C1orf21: variants seen among roughly 807,000 people sequenced by gnomAD.
C1orf21 encodes uncharacterized protein C1orf21.
A neutral mutation model predicts 18.7 loss-of-function variants in C1orf21; 3 were observed. The ratio of observed to expected loss-of-function variants is 0.16; its 90% CI spans 0.07 to 0.42. The LOEUF is 0.42. Ranked by LOEUF, C1orf21 falls within the 10% of genes least tolerant of loss-of-function variation. The probability of loss-of-function intolerance (pLI) is 0.99; values close to 1 mark genes in which losing one functional copy is unlikely to be tolerated. For missense variants in C1orf21, 104 were observed against 143.6 expected (o/e 0.72, Z 1.41); for synonymous variants, 41 against 46.4 (o/e 0.88, Z 0.47).
intron 1 of C1orf21, among the ~76,000 whole-genome samples, chr1:184,444,173 C>T (rs1193772271): frequency 1.3e-5 from 2 of 152,084 alleles, no homozygotes; most frequent in African/African-American, 4.8e-5. Context: ...CTTCCTTTGC[C>T]TCTTATCCCC....
chr1:184,600,367 G>C (rs1659570678), intron 5 of C1orf21, among the ~76,000 whole-genome samples: 1 of 152,070 alleles, frequency 6.6e-6, no homozygotes, highest in African/African-American at 2.4e-5. Context: ...GGGTTTCACT[G>C]TGTCAGCCAG....
intron 3 of C1orf21, among the ~76,000 whole-genome samples, chr1:184,519,593 A>G (rs1571396521): frequency 6.6e-6 from 1 of 152,198 alleles, no homozygotes; most frequent in East Asian, 1.9e-4. Flanking sequence ...CACTGTTACT[A>G]GAGTACCCAG....
In C1orf21 at chr1:184,526,787, CTCA is replaced by C. The variant is rs1361500724; in HGVS notation, c.189+19106_189+19108del. On this transcript the variant is annotated intron_variant, in intron 3 of 5. Transcript: ENST00000235307. Reference sequence around the variant, plus strand: ...GGGAGAACCGAGGGAAAGAAAAGGTCTCAACCCCCTTCATTCATTCATTCATTC... The same window carrying C: ...GGGAGAACCGAGGGAAAGAAAAGGTCACCCCCTTCATTCATTCATTCATTC... Among the ~76,000 whole-genome samples the C allele has an allele frequency of 2.0e-5, 3 of 152,140 alleles. No individual in the cohort carries two copies. In the East Asian group the frequency reaches 5.8e-4, roughly 29 times the overall value.
chr1:184,471,348 G>C (rs1162014882), intron 1 of C1orf21, among the ~76,000 whole-genome samples: 1 of 152,142 alleles, frequency 6.6e-6, no homozygotes, highest in African/African-American at 2.4e-5. Context: ...AGACCTTATA[G>C]GGCCTCCTGA....
chr1:184,600,480 G>A (rs971907193), intron 5 of C1orf21, among the ~76,000 whole-genome samples: 2 of 152,066 alleles, frequency 1.3e-5, no homozygotes, highest in African/African-American at 4.8e-5. Context: ...GTGTGTTTTG[G>A]TAATTGAAAT....
At chr1:184,426,108 G>A (rs1281095661) in intron 1 of C1orf21, among the ~76,000 whole-genome samples, 3 of 152,230 alleles carry the variant, frequency 2.0e-5, no homozygotes, top group Non-Finnish European at 4.4e-5. Context: ...CGGAGCCCTG[G>A]AGAAATGTGG....
intron 3 of C1orf21, among the ~76,000 whole-genome samples, chr1:184,555,216 T>G (rs1481362033): frequency 6.6e-6 from 1 of 152,228 alleles, no homozygotes; most frequent in Non-Finnish European, 1.5e-5. Context: ...ATAAATCAGT[T>G]TTCTGCCTCT....
chr1:184,401,724 C>T (rs1179504542), intron 1 of C1orf21, among the ~76,000 whole-genome samples: 1 of 148,404 alleles, frequency 6.7e-6, no homozygotes, highest in Non-Finnish European at 1.5e-5. Context: ...GGTTATAGAG[C>T]AAGACATATG....
intron 4 of C1orf21, chr1:184,592,105 A>G (rs1185890802): frequency 1.3e-5 from 2 of 152,222 alleles, no homozygotes; most frequent in African/African-American, 4.8e-5. Flanking sequence ...TTTCTGACCA[A>G]ATGGAGGACA....
chr1:184,601,242 A>C (rs1466484869), intron 5 of C1orf21, among the ~76,000 whole-genome samples: 1 of 152,200 alleles, frequency 6.6e-6, no homozygotes, highest in Non-Finnish European at 1.5e-5. Context: ...ATTAATAAGA[A>C]GCAAAACTGA....
chr1:184,426,332 C>T (rs1042525385), intron 1 of C1orf21, among the ~76,000 whole-genome samples: 8 of 152,216 alleles, frequency 5.3e-5, no homozygotes, highest in Middle Eastern at 3.4e-3. Flanking sequence ...CTACCTTCTC[C>T]CTCTAATTTA....
chr1:184,428,388 G>A (rs776189515), intron 1 of C1orf21, among the ~76,000 whole-genome samples: 1 of 152,176 alleles, frequency 6.6e-6, no homozygotes, highest in Non-Finnish European at 1.5e-5. Context: ...TAGGAGGCAG[G>A]GAGGGACCAG....
chr1:184,430,702 T>A (rs1656727130), intron 1 of C1orf21, among the ~76,000 whole-genome samples: 1 of 152,338 alleles, frequency 6.6e-6, no homozygotes, highest in East Asian at 1.9e-4. Context: ...AGATTTTTCA[T>A]CTTTGGTTCT....
intron 1 of C1orf21, among the ~76,000 whole-genome samples, chr1:184,431,220 A>G (rs1190222952): frequency 1.3e-5 from 2 of 152,202 alleles, no homozygotes; most frequent in Non-Finnish European, 2.9e-5. Context: ...TTCAAACTAT[A>G]CTACAAGGCT....
chr1:184,396,247 A>T (rs1441211649), intron 1 of C1orf21, among the ~76,000 whole-genome samples: 1 of 152,184 alleles, frequency 6.6e-6, no homozygotes, highest in African/African-American at 2.4e-5. Context: ...CCTATTTTGT[A>T]TGATGTTTGG....
Position 184,410,851 on chromosome 1 carries a change from C to T in C1orf21, c.-125+23483C>T, listed in dbSNP as rs1571345409. ...ATTTTTAGTAGAGTCGGGGTTTTGC[C>T]ACGTTGTCCAGGCTGGTCTCGCTCT... On this transcript the variant is annotated intron_variant, in intron 1 of 5. Transcript: ENST00000235307. Among the ~76,000 whole-genome samples, 4 of 147,602 alleles carry T rather than the reference C, an allele frequency of 2.7e-5. No individual in the cohort carries two copies. The Admixed American group carries it at 2.7e-4, about 10-fold the overall frequency.
At chr1:184,400,607 G>T (rs1656137011) in intron 1 of C1orf21, among the ~76,000 whole-genome samples, 1 of 152,170 alleles carries the variant, frequency 6.6e-6, no homozygotes, top group Non-Finnish European at 1.5e-5. Context: ...CTACCGTACA[G>T]ATATACCATA....
chr1:184,568,034 C>G (rs1420582147), intron 3 of C1orf21, among the ~76,000 whole-genome samples: 1 of 152,170 alleles, frequency 6.6e-6, no homozygotes, highest in Non-Finnish European at 1.5e-5. Context: ...ACAAGACACC[C>G]AGACCTTGTA....
At chr1:184,571,276 G>A (rs1397278450) in intron 3 of C1orf21, among the ~76,000 whole-genome samples, 1 of 128,716 alleles carries the variant, frequency 7.8e-6, no homozygotes, top group Non-Finnish European at 1.6e-5. Flanking sequence ...CAGCCTGGGC[G>A]ACAGAGCGAG....
Sources: gnomAD v4.1 joint callset for allele counts (sites outside exome capture counted in the v4.1 genomes callset) on GRCh38, gnomAD v4.1.1 for gene constraint, MANE v1.5 for transcripts, NCBI Gene and HGNC (gene_info 2026-07-23, HGNC 2026-07-21) for gene names.